The following WWOX variants were observed in gnomAD, a reference collection of about 807,000 sequenced individuals.
The protein encoded by WWOX is WW domain containing oxidoreductase, also known as WW domain-containing oxidoreductase.
A neutral mutation model predicts 46.2 loss-of-function variants in WWOX; 69 were observed. The observed-to-expected ratio is 1.49, with a 90% CI of 1.23 to 1.82. The LOEUF (loss-of-function observed/expected upper bound fraction) is 1.82. Ranked by LOEUF, WWOX falls within the 40% of genes most tolerant of loss-of-function variation. The pLI is 0.00. For missense variants in WWOX, 919 were observed against 542.6 expected, an observed-to-expected ratio of 1.69 and a Z score of -6.89; for synonymous variants, 359 against 202.6, an observed-to-expected ratio of 1.77 and a Z score of -6.56.
intron 8 of WWOX, among the ~76,000 whole-genome samples, chr16:78,964,558 G>C (rs111519218): frequency 2.0e-5 from 3 of 152,218 alleles, no homozygotes; most frequent in Non-Finnish European, 4.4e-5. Context: ...TTTTATAAAA[G>C]AAGCAGAGCA....
At chr16:78,429,829 G>A (rs59299121) in intron 7 of WWOX, among the ~76,000 whole-genome samples, 3,047 of 152,228 alleles carry the variant, frequency 0.02, 101 homozygotes, top group African/African-American at 0.068. Context: ...AAACAAAATG[G>A]CGTGTGTTTC....
At chr16:79,186,735 A>T (rs557087532) in intron 8 of WWOX, among the ~76,000 whole-genome samples, 1 of 152,074 alleles carries the variant, frequency 6.6e-6, no homozygotes, top group Non-Finnish European at 1.5e-5. Flanking sequence ...AGTATCTAGT[A>T]TACTTGGGAC....
At chr16:78,970,809 G>C (rs1008806325) in intron 8 of WWOX, among the ~76,000 whole-genome samples, 14 of 152,280 alleles carry the variant, frequency 9.2e-5, no homozygotes, top group Non-Finnish European at 1.9e-4. Flanking sequence ...GCAAAAGGGA[G>C]TATGTTGGTT....
intron 1 of WWOX, among the ~76,000 whole-genome samples, chr16:78,103,867 C>G (rs917398350): frequency 2.4e-4 from 36 of 152,108 alleles, no homozygotes; most frequent in African/African-American, 8.4e-4. Context: ...CTGTCGGCCT[C>G]TCCTGCTTTC....
chr16:78,762,632 C>T (rs1443762647), intron 8 of WWOX, among the ~76,000 whole-genome samples: 1 of 152,166 alleles, frequency 6.6e-6, no homozygotes, highest in Non-Finnish European at 1.5e-5. Context: ...GGGTGCTTCC[C>T]AGGGAGACTG....
intron 8 of WWOX, among the ~76,000 whole-genome samples, chr16:78,956,140 G>A (rs557440364): frequency 2.0e-5 from 3 of 151,592 alleles, no homozygotes; most frequent in Non-Finnish European, 4.4e-5. Context: ...ATTTGTTTAG[G>A]TTTTGGGGGT....
chr16:78,592,588 T>C (rs1197869552), intron 8 of WWOX, among the ~76,000 whole-genome samples: 1 of 152,172 alleles, frequency 6.6e-6, no homozygotes, highest in Non-Finnish European at 1.5e-5. Context: ...GTGGGGTTGC[T>C]TCTTTTTATT....
At chr16:78,456,320 G>T (rs1235261913) in intron 8 of WWOX, among the ~76,000 whole-genome samples, 9 of 152,160 alleles carry the variant, frequency 5.9e-5, no homozygotes, top group Admixed American at 2.6e-4. Context: ...AGTGTTGGGG[G>T]CTGAGAGGCA....
chr16:78,349,256 A>T lies in WWOX; in HGVS notation c.517-37604A>T, dbSNP rs149511571. The stretch of plus-strand genomic sequence containing the variant: ...TGAAGGACACCACTCAGATTGCAAT[A>T]GGACCTGCCCTGATAGCCTCATTTT... On this transcript the variant is annotated intron_variant, in intron 5 of 8. Coordinates refer to ENST00000566780, the MANE Select transcript of WWOX (RefSeq NM_016373.4). 3.3e-5 allele frequency among the ~76,000 whole-genome samples: 4 copies of T among 120,008 alleles called. 2 individuals are homozygous for T. The highest frequency in any genetic ancestry group is 7.9e-5 in the Non-Finnish European group (4 of 50,444). 78.7% of individuals were successfully genotyped at this position (120,008 alleles called of 152,430 possible).
intron 8 of WWOX, among the ~76,000 whole-genome samples, chr16:79,190,229 TG>T (rs1258319585): frequency 1.3e-5 from 2 of 152,092 alleles, no homozygotes; most frequent in African/African-American, 4.8e-5. Context: ...TTCACCGTGT[TG>T]GCCAGGCTGG....
rs568772379 is a variant in WWOX, at chr16:79,027,833, A to G, written c.1057-183775A>G. On this transcript the variant is annotated intron_variant, in intron 8 of 8. Transcript: ENST00000566780. ...TTTTTGTGGTTGCCTAGTGTCTTCT[A>G]AAGACCCCTGAACATAGCATAGAAA... Among the ~76,000 whole-genome samples, 241 of 151,924 alleles carry G rather than the reference A, an allele frequency of 1.6e-3. 2 individuals carry two copies. Among genetic ancestry groups the G allele is most frequent in the Admixed American group, 6.7e-3 (102 of 15,280 alleles).
intron 1 of WWOX, among the ~76,000 whole-genome samples, chr16:78,104,371 A>G (rs1292985883): frequency 6.6e-6 from 1 of 152,018 alleles, no homozygotes; most frequent in Non-Finnish European, 1.5e-5. Context: ...ACACACACAC[A>G]CACACACCCA....
Position 78,115,028 on chromosome 16 carries a change from G to T in WWOX, c.283G>T (p.Asp95Tyr), listed in dbSNP as rs1454546205. Residue 95 changes from aspartate (D) to tyrosine (Y), a missense_variant, in exon 4 of 9, where the codon GAT (aspartate) becomes TAT (tyrosine). Asp to Tyr is a radical substitution (Grantham distance 160, BLOSUM62 -3). Coordinates refer to ENST00000566780, the MANE Select transcript of WWOX (RefSeq NM_016373.4). ...YLDPRLAFTV[D>Y]DNPTKPTTRQ... ...GGACCCAAGACTGGCGTTTACTGTG[G>T]ATGATAATCCGACCAAGCCAACCAC... 2 of 1,614,068 alleles carry T rather than the reference G, an allele frequency of 1.2e-6. No individual in the cohort carries two copies. The highest frequency in any genetic ancestry group is 2.7e-5 in the African/African-American group (2 of 74,914).
At chr16:78,644,565 G>C (rs2046796513) in intron 8 of WWOX, among the ~76,000 whole-genome samples, 1 of 151,810 alleles carries the variant, frequency 6.6e-6, no homozygotes. Context: ...AGGTTCAAAT[G>C]ATTTTCCTGC....
intron 8 of WWOX, among the ~76,000 whole-genome samples, chr16:78,738,101 A>G (rs554416757): frequency 2.8e-4 from 43 of 152,262 alleles, no homozygotes; most frequent in Middle Eastern, 3.4e-3. Flanking sequence ...AGAGGTTCTA[A>G]TTATGTCTTC....
At chr16:78,228,339 CTTTTTTTTTTTTT>C (rs34322106) in intron 5 of WWOX, among the ~76,000 whole-genome samples, 3 of 111,322 alleles carry the variant, frequency 2.7e-5, no homozygotes, top group Non-Finnish European at 3.7e-5. Context: ...CATATTCTCT[CTTTTTTTTTTTTT>C]TTTTTTTTGG....
At chr16:78,343,156 A>G (rs9927290) in intron 5 of WWOX, among the ~76,000 whole-genome samples, 26,830 of 118,302 alleles carry the variant, frequency 0.23, 8,545 homozygotes, top group African/African-American at 0.38. Flanking sequence ...TTGTACAATG[A>G]CACCATGACT....
At chr16:79,036,487 A>G (rs1046155091) in intron 8 of WWOX, among the ~76,000 whole-genome samples, 11 of 152,192 alleles carry the variant, frequency 7.2e-5, no homozygotes, top group African/African-American at 2.4e-5. Context: ...AAACCCTCCT[A>G]TGGTGCAGCT....
intron 8 of WWOX, among the ~76,000 whole-genome samples, chr16:79,090,986 C>A (rs1052086861): frequency 6.6e-6 from 1 of 152,044 alleles, no homozygotes; most frequent in Non-Finnish European, 1.5e-5. Context: ...TTTGTAGATA[C>A]CATGTTGGCC....
Sources: allele counts gnomAD v4.1 joint callset (sites outside exome capture counted in the v4.1 genomes callset), GRCh38; gene constraint gnomAD v4.1.1; transcripts MANE v1.5; gene names NCBI Gene and HGNC (gene_info 2026-07-23, HGNC 2026-07-21).